The following KCNN2 variants were observed in gnomAD, a reference collection of about 807,000 sequenced individuals.
KCNN2 encodes the protein potassium calcium-activated channel subfamily N member 2, also known as small conductance calcium-activated potassium channel protein 2.
KCNN2 carries 24 observed loss-of-function variants against 55.5 expected under a neutral mutation model. The ratio of observed to expected loss-of-function variants is 0.43; its 90% confidence interval spans 0.31 to 0.61. The LOEUF is 0.61. Among genes scored for constraint, KCNN2 ranks in the 20% least tolerant of loss-of-function variants. The pLI is 0.08. For synonymous variants in KCNN2, 431 were observed against 336.1 expected (o/e 1.28, Z -3.09); for missense variants, 754 against 853.6 (o/e 0.88, Z 1.45).
At chr5:114,138,451 A>G (rs555312453) in intron 1 of KCNN2, among the ~76,000 whole-genome samples, 6 of 152,250 alleles carry the variant, frequency 3.9e-5, no homozygotes, top group East Asian at 1.9e-4. Context: ...TCATCTGCAC[A>G]TTTTTATCAA....
At chr5:114,132,520 A>G (rs1752092308) in intron 1 of KCNN2, among the ~76,000 whole-genome samples, 1 of 152,190 alleles carries the variant, frequency 6.6e-6, no homozygotes, top group Non-Finnish European at 1.5e-5. Flanking sequence ...TTAAATCCTG[A>G]TAATACACTT....
At chr5:114,064,195 C>G (rs1294185782) in intron 1 of KCNN2, among the ~76,000 whole-genome samples, 1 of 152,202 alleles carries the variant, frequency 6.6e-6, no homozygotes, top group Middle Eastern at 3.2e-3. Context: ...TACATAGTCT[C>G]CAAAGATGGC....
intron 1 of KCNN2, among the ~76,000 whole-genome samples, chr5:114,201,949 G>A (rs919388225): frequency 3.9e-5 from 6 of 152,120 alleles, no homozygotes; most frequent in Admixed American, 2.0e-4. Context: ...TTACCAGAAA[G>A]GGCAGGTCCC....
intron 1 of KCNN2, among the ~76,000 whole-genome samples, chr5:114,071,430 A>C (rs1427343667): frequency 1.3e-5 from 2 of 152,202 alleles, no homozygotes; most frequent in African/African-American, 2.4e-5. Context: ...CTGTTTGAAA[A>C]AACTTAGGTC....
intron 2 of KCNN2, among the ~76,000 whole-genome samples, chr5:114,227,129 T>C (rs1050594483): frequency 2.6e-5 from 4 of 152,208 alleles, no homozygotes; most frequent in African/African-American, 9.6e-5. Context: ...TATGTTTTTC[T>C]AGTATCTTAC....
intron 2 of KCNN2, among the ~76,000 whole-genome samples, chr5:114,295,425 C>T (rs1046214692): frequency 8.5e-5 from 13 of 152,188 alleles, no homozygotes; most frequent in Non-Finnish European, 1.2e-4. Flanking sequence ...CCCCCAGCCT[C>T]GCTGCCACCT....
intron 1 of KCNN2, among the ~76,000 whole-genome samples, chr5:114,164,870 G>C (rs7721339): frequency 6.6e-6 from 1 of 151,672 alleles, no homozygotes. Context: ...ATTACTAATC[G>C]TAGTTAGCAC....
At chr5:114,084,563 G>C (rs1650246845) in intron 1 of KCNN2, among the ~76,000 whole-genome samples, 1 of 151,740 alleles carries the variant, frequency 6.6e-6, no homozygotes, top group Non-Finnish European at 1.5e-5. Flanking sequence ...GTATATTTTC[G>C]ATACAGGTAC....
At chr5:114,162,610 C>G (rs1176468446) in intron 1 of KCNN2, among the ~76,000 whole-genome samples, 1 of 152,200 alleles carries the variant, frequency 6.6e-6, no homozygotes. Flanking sequence ...TTGGACCCTA[C>G]AGAAGCAGGC....
Position 114,171,664 on chromosome 5 carries a change from C to T in KCNN2, c.-270-49816C>T, listed in dbSNP as rs78883706. Among the ~76,000 whole-genome samples the T allele has an allele frequency of 3.2e-3, 376 of 117,660 alleles. 3 individuals are homozygous for T. Among genetic ancestry groups the T allele is most frequent in the African/African-American group, 0.011 (360 of 33,782 alleles). 77.2% of individuals were successfully genotyped at this position (117,660 alleles called of 152,430 possible). A position where few individuals can be genotyped will look rare whatever the true frequency, so the allele number is the denominator to read the frequency against. On this transcript the variant is annotated intron_variant, in intron 1 of 10. Coordinates refer to the KCNN2 transcript ENST00000512097. ...TTAAAATTGTGGAATTCCAGAGCCT[C>T]GCTTTTCTTATATGCTTTTTTTTTT...
chr5:114,146,617 A>G (rs548742513), intron 1 of KCNN2, among the ~76,000 whole-genome samples: 8 of 152,280 alleles, frequency 5.3e-5, no homozygotes, highest in African/African-American at 1.9e-4. Context: ...AGTAATATCA[A>G]TTTGCCAAAG....
intron 1 of KCNN2, among the ~76,000 whole-genome samples, chr5:114,104,214 G>A (rs190318135): frequency 1.8e-4 from 27 of 152,258 alleles, no homozygotes; most frequent in Admixed American, 1.0e-3. Flanking sequence ...TATTTTCTAA[G>A]AGGTGTTTAT....
intron 2 of KCNN2, among the ~76,000 whole-genome samples, chr5:114,290,599 A>G (rs1755866084): frequency 6.6e-6 from 1 of 151,632 alleles, no homozygotes; most frequent in Non-Finnish European, 1.5e-5. Flanking sequence ...AATTTTTATT[A>G]TTACTTTCTT....
intron 3 of KCNN2, among the ~76,000 whole-genome samples, chr5:114,457,394 TAAC>T (rs1357599836): frequency 2.6e-5 from 4 of 152,320 alleles, no homozygotes; most frequent in Admixed American, 6.5e-5. Flanking sequence ...AGTATACACA[TAAC>T]AACATTTTTA....
At chr5:114,370,668 C>G (rs1490376850) in intron 2 of KCNN2, among the ~76,000 whole-genome samples, 1 of 151,856 alleles carries the variant, frequency 6.6e-6, no homozygotes, top group Non-Finnish European at 1.5e-5. Flanking sequence ...GCCTTATGAC[C>G]AGGAATTTAC....
chr5:114,266,382 A>C (rs1203023689), intron 2 of KCNN2, among the ~76,000 whole-genome samples: 1 of 152,162 alleles, frequency 6.6e-6, no homozygotes, highest in African/African-American at 2.4e-5. Context: ...GTTTGGGAGA[A>C]AGAGCAACTG....
chr5:114,450,703 G>A (rs1465477183), intron 3 of KCNN2, among the ~76,000 whole-genome samples: 1 of 152,132 alleles, frequency 6.6e-6, no homozygotes, highest in Middle Eastern at 3.2e-3. Flanking sequence ...TAGGCCAGTG[G>A]TTCAGAACAG....
At chr5:114,335,727 T>C (rs1030951879) in intron 2 of KCNN2, among the ~76,000 whole-genome samples, 5 of 152,044 alleles carry the variant, frequency 3.3e-5, no homozygotes, top group African/African-American at 7.2e-5. Context: ...AGTAGAGTCA[T>C]GAGTGTTGCC....
chr5:114,347,917 A>G (rs1430897277), intron 2 of KCNN2, among the ~76,000 whole-genome samples: 1 of 152,190 alleles, frequency 6.6e-6, no homozygotes, highest in Non-Finnish European at 1.5e-5. Flanking sequence ...TCACTCCCTT[A>G]GTCTCTCTTT....
Sources: allele counts gnomAD v4.1 joint callset (sites outside exome capture counted in the v4.1 genomes callset), GRCh38; gene constraint gnomAD v4.1.1; transcripts MANE v1.5; gene names NCBI Gene and HGNC (gene_info 2026-07-23, HGNC 2026-07-21).